The following GRB10 variants were observed in gnomAD, a reference collection of about 807,000 sequenced individuals.
GRB10 encodes the protein growth factor receptor bound protein 10.
A neutral mutation model predicts 80.9 loss-of-function variants in GRB10; 20 were observed. That is an observed-to-expected ratio of 0.25 (90% CI 0.17 to 0.36). The LOEUF (loss-of-function observed/expected upper bound fraction) is 0.36, where lower values mean the gene tolerates loss of function less well. Among genes scored for constraint, GRB10 ranks in the 10% least tolerant of loss-of-function variants. The pLI is 1.00. For synonymous variants in GRB10, 291 were observed against 291.5 expected (o/e 1.00, Z 0.02); for missense variants, 548 against 747.7 (o/e 0.73, Z 3.12).
intron 5 of GRB10, among the ~76,000 whole-genome samples, chr7:50,695,728 T>G (rs1040669740): frequency 1.3e-5 from 2 of 152,246 alleles, no homozygotes; most frequent in Admixed American, 6.5e-5. Context: ...CTGTCTGCTA[T>G]AGGTTTAGAT....
chr7:50,712,820 G>A (rs1055751219), intron 4 of GRB10, among the ~76,000 whole-genome samples: 1 of 152,236 alleles, frequency 6.6e-6, no homozygotes, highest in African/African-American at 2.4e-5. Flanking sequence ...ATTTTAAACA[G>A]CTCTATTGAG....
chr7:50,674,257 A>G (rs904241581), intron 6 of GRB10, among the ~76,000 whole-genome samples, 179 bp downstream of exon 6: 2 of 152,260 alleles, frequency 1.3e-5, no homozygotes, highest in Admixed American at 6.5e-5. Context: ...AGTTCAACCC[A>G]AGGGCGGCAC....
In GRB10 at chr7:50,674,479, G is replaced by C; in HGVS notation, c.319C>G (p.Gln107Glu). 1 of 1,608,116 alleles carries C rather than the reference G, an allele frequency of 6.2e-7. No individual in the cohort carries two copies. Among genetic ancestry groups the C allele is most frequent in the Non-Finnish European group, 8.5e-7 (1 of 1,180,010 alleles). Residue 107 changes from glutamine (Q) to glutamate (E), a missense_variant, in exon 6 of 19, where the codon CAG (glutamine) becomes GAG (glutamate). Gln to Glu is a conservative substitution (Grantham distance 29). This residue lies in a region of GRB10 where 245 missense variants were observed against 229.3 expected (regional missense o/e 1.07). Coordinates refer to ENST00000401949, the MANE Select transcript of GRB10 (RefSeq NM_001350814.2). ...ACAGGCTGGGAGCGCTGCACCCTCT[G>C]CCTCGGGGACACCTGTGGCTGGATG... Reference protein sequence around the residue: ...RSIQPQVSPRQRVQRSQPVHI... With the variant: ...RSIQPQVSPRERVQRSQPVHI...
At chr7:50,697,393 C>T (rs2063576140) in intron 5 of GRB10, among the ~76,000 whole-genome samples, 1 of 152,182 alleles carries the variant, frequency 6.6e-6, no homozygotes, top group Non-Finnish European at 1.5e-5. Flanking sequence ...AAGTACATCC[C>T]TCTCTGCTGT....
rs1374682535 is a variant in GRB10, at chr7:50,738,893, G to A, written c.-46-6525C>T. 3.9e-5 allele frequency among the ~76,000 whole-genome samples: 6 copies of A among 152,286 alleles called. No individual in the cohort carries two copies. The South Asian group carries it at 8.3e-4, about 21-fold the overall frequency. On this transcript the variant is annotated intron_variant, in intron 3 of 18. Coordinates refer to ENST00000401949, the MANE Select transcript of GRB10 (RefSeq NM_001350814.2). ...GGCCTACTAACAAGTTTGGCTTGCT[G>A]TGGTGGTTTCACATTGTTCTTTTAA...
At chr7:50,691,885 A>C (rs917150846) in intron 5 of GRB10, among the ~76,000 whole-genome samples, 1 of 152,166 alleles carries the variant, frequency 6.6e-6, no homozygotes, top group East Asian at 1.9e-4. Flanking sequence ...ACTTTTCAGG[A>C]CTATGCTGAG....
chr7:50,737,866 C>A (rs757405925), intron 3 of GRB10, among the ~76,000 whole-genome samples: 8 of 152,038 alleles, frequency 5.3e-5, no homozygotes, highest in South Asian at 2.1e-4. Flanking sequence ...AACAAACAAA[C>A]AAAGAAACAA....
At chr7:50,710,831 A>C in intron 4 of GRB10, 1 of 1,603,476 alleles carries the variant, frequency 6.2e-7, no homozygotes, top group Non-Finnish European at 8.5e-7. Flanking sequence ...GGGCTTGCCC[A>C]GCAACTAAAG....
At chr7:50,659,855 C>T (rs978783989) in intron 7 of GRB10, among the ~76,000 whole-genome samples, 2 of 152,204 alleles carry the variant, frequency 1.3e-5, no homozygotes, top group African/African-American at 4.8e-5. Context: ...TCACGCGTCC[C>T]CTCATAAGTA....
chr7:50,678,756 T>A (rs1401672420), intron 5 of GRB10, among the ~76,000 whole-genome samples: 9 of 152,234 alleles, frequency 5.9e-5, no homozygotes, highest in Middle Eastern at 3.2e-3. Flanking sequence ...TGTCAGCTGG[T>A]CTACCTCAGT....
chr7:50,784,907 G>A (rs1377167738), upstream of GRB10, among the ~76,000 whole-genome samples: 3 of 152,186 alleles, frequency 2.0e-5, no homozygotes, highest in East Asian at 3.8e-4. Context: ...AAGATTAATC[G>A]GAAGTGTCAG....
At chr7:50,757,059 T>C (rs1331574848) in intron 2 of GRB10, among the ~76,000 whole-genome samples, 1 of 152,146 alleles carries the variant, frequency 6.6e-6, no homozygotes, top group Non-Finnish European at 1.5e-5. Flanking sequence ...CCCTGCCTCT[T>C]ACCTGACATC....
chr7:50,781,902 C>T (rs927208356), intron 1 of GRB10, among the ~76,000 whole-genome samples: 4 of 152,242 alleles, frequency 2.6e-5, no homozygotes, highest in Admixed American at 2.6e-4. Flanking sequence ...GAGAAAGAGG[C>T]AACGTTGACT....
At chr7:50,710,769 C>T (rs1442509688) in intron 4 of GRB10, 16 of 1,251,846 alleles carry the variant, frequency 1.3e-5, no homozygotes, top group East Asian at 4.7e-5. Flanking sequence ...TGAGGCAGAA[C>T]GACCACTTCA....
chr7:50,617,904 C>T (rs2050947865), intron 10 of GRB10, 167 bp downstream of exon 10: 3 of 672,108 alleles, frequency 4.5e-6, no homozygotes, highest in South Asian at 3.4e-5. Flanking sequence ...CTTTTAATTT[C>T]TGGTTACTCT....
chr7:50,779,214 A>C (rs2078024333), intron 2 of GRB10: 1 of 152,226 alleles, frequency 6.6e-6, no homozygotes, highest in African/African-American at 2.4e-5. Flanking sequence ...TTAAGACCTT[A>C]CTGCACAAAG....
intron 2 of GRB10, among the ~76,000 whole-genome samples, chr7:50,773,640 G>T (rs918610464): frequency 4.6e-5 from 7 of 152,136 alleles, no homozygotes; most frequent in Admixed American, 2.6e-4. Flanking sequence ...CAGTTTGGCA[G>T]TTCCTCAAAA....
At chr7:50,716,330 A>T (rs1396792012) in intron 4 of GRB10, among the ~76,000 whole-genome samples, 2 of 152,200 alleles carry the variant, frequency 1.3e-5, no homozygotes, top group South Asian at 2.1e-4. Context: ...GGGTCAAACT[A>T]TTTCCAAGAA....
intron 3 of GRB10, among the ~76,000 whole-genome samples, chr7:50,748,914 A>T (rs1328572941): frequency 6.6e-6 from 1 of 152,224 alleles, no homozygotes; most frequent in Non-Finnish European, 1.5e-5. Context: ...AAAGGCCATA[A>T]GAAATCAGAA....
Sources: allele counts gnomAD v4.1 joint callset (sites outside exome capture counted in the v4.1 genomes callset), GRCh38; gene constraint gnomAD v4.1.1; regional missense constraint gnomAD v4.1.1; transcripts MANE v1.5; gene names NCBI Gene and HGNC (gene_info 2026-07-23, HGNC 2026-07-21).